Variants in RGS20 observed in about 807,000 individuals in gnomAD.
The protein encoded by RGS20 is regulator of G protein signaling 20.
RGS20 carries 30 observed loss-of-function variants against 33.6 expected under a neutral mutation model. The observed-to-expected ratio is 0.89, with a 90% CI of 0.67 to 1.21. RGS20 has a LOEUF of 1.21. RGS20 is among the 50% of genes most tolerant of loss of function. The pLI, the probability that RGS20 is intolerant of heterozygous loss-of-function variation, is 0.00. For missense variants in RGS20, 472 were observed against 502.4 expected, an observed-to-expected ratio of 0.94 and a Z score of 0.58; for synonymous variants, 208 against 197.9, an observed-to-expected ratio of 1.05 and a Z score of -0.43.
At chr8:53,934,404 T>G (rs1196830738) in intron 2 of RGS20, among the ~76,000 whole-genome samples, 1 of 152,012 alleles carries the variant, frequency 6.6e-6, no homozygotes, top group Non-Finnish European at 1.5e-5. Context: ...AATAAAGGCA[T>G]GGAGGAATAT....
chr8:53,919,395 G>T (rs1214739210), intron 2 of RGS20, among the ~76,000 whole-genome samples: 2 of 149,636 alleles, frequency 1.3e-5, no homozygotes, highest in Non-Finnish European at 1.5e-5. Context: ...CGTCTGGAGT[G>T]CAATGGCACA....
chr8:53,954,765 G>GC (rs1474525944), intron 5 of RGS20, among the ~76,000 whole-genome samples: 12 of 144,038 alleles, frequency 8.3e-5, no homozygotes, highest in African/African-American at 3.1e-4. Flanking sequence ...TTGGCTCACT[G>GC]CAACTTCTGC....
chr8:53,905,007 G>A (rs1465677918), intron 2 of RGS20, among the ~76,000 whole-genome samples: 1 of 152,064 alleles, frequency 6.6e-6, no homozygotes, highest in Admixed American at 6.6e-5. Context: ...AAACCTCCTG[G>A]GGCTTACACA....
At position 53,902,081 on chromosome 8, in the gene RGS20, G is replaced by A. The variant is rs190790060; in HGVS notation, c.510+22479G>A. Among the ~76,000 whole-genome samples, 21 of 151,842 alleles carry A rather than the reference G, an allele frequency of 1.4e-4. No homozygotes were observed. In the East Asian group the frequency reaches 3.5e-3, roughly 25 times the overall value. ...CACCCAGGCTGAAGTACAGTGATGCGACCTGGACTCACCACAACCTCTGCC... is the reference window on the plus strand; with the variant it reads ...CACCCAGGCTGAAGTACAGTGATGCAACCTGGACTCACCACAACCTCTGCC... On this transcript the variant is annotated intron_variant, in intron 2 of 5. Coordinates refer to ENST00000297313, the MANE Select transcript of RGS20 (RefSeq NM_170587.4).
intron 5 of RGS20, among the ~76,000 whole-genome samples, chr8:53,955,892 T>C (rs761859913): frequency 2.6e-5 from 4 of 152,162 alleles, no homozygotes; most frequent in Admixed American, 1.3e-4. Flanking sequence ...ATTGGGTGCC[T>C]TGTAGCTCTA....
intron 2 of RGS20, among the ~76,000 whole-genome samples, chr8:53,905,510 G>T (rs1019881028): frequency 6.6e-6 from 1 of 152,158 alleles, no homozygotes; most frequent in Non-Finnish European, 1.5e-5. Context: ...AGGATAATGG[G>T]CCAGCGTCCT....
In RGS20 at chr8:53,946,756, C is replaced by A. The variant is rs1427471696; in HGVS notation, c.743+8C>A. The A allele has an allele frequency of 1.2e-6, 2 of 1,611,020 alleles. No individual in the cohort carries two copies. Among genetic ancestry groups the A allele is most frequent in the Non-Finnish European group, 1.7e-6 (2 of 1,178,192 alleles). ...TCCAACCTGGGAAGAAAGGTGAAATCACACGTTTTTTTTACCTCACTAAAC... is the reference window on the plus strand; with the variant it reads ...TCCAACCTGGGAAGAAAGGTGAAATAACACGTTTTTTTTACCTCACTAAAC... On this transcript the variant is annotated splice_region_variant and intron_variant, in intron 4 of 5. Transcript: ENST00000297313.
At chr8:53,876,435 CAG>C (rs1191617778) in intron 1 of RGS20, 1 of 152,166 alleles carries the variant, frequency 6.6e-6, no homozygotes, top group Non-Finnish European at 1.5e-5. Context: ...CCCTAAGGAC[CAG>C]TGCTTCCAGG....
chr8:53,859,217 A>C lies in RGS20; in HGVS notation c.165+7153A>C, dbSNP rs7831399. ...AATAACAAACGAACAAACTTTTCATATTCTATTTATACACCACAATGGAAG... is the reference window on the plus strand; with the variant it reads ...AATAACAAACGAACAAACTTTTCATCTTCTATTTATACACCACAATGGAAG... On this transcript the variant is annotated intron_variant, in intron 1 of 5. Transcript: ENST00000297313. Among the ~76,000 whole-genome samples, 257 of 152,234 alleles carry C rather than the reference A, an allele frequency of 1.7e-3. 1 individual carries two copies. Among genetic ancestry groups the C allele is most frequent in the South Asian group, 8.3e-3 (40 of 4,822 alleles).
intron 1 of RGS20, among the ~76,000 whole-genome samples, chr8:53,857,931 T>C (rs1394634663): frequency 1.3e-5 from 2 of 152,200 alleles, no homozygotes; most frequent in Non-Finnish European, 2.9e-5. Context: ...ATGGATATGT[T>C]AGCTTTATTT....
chr8:53,938,060 T>G (rs1391002041), intron 2 of RGS20, among the ~76,000 whole-genome samples: 1 of 152,188 alleles, frequency 6.6e-6, no homozygotes, highest in Non-Finnish European at 1.5e-5. Context: ...TTAGAAATCA[T>G]TCTACTATAA....
Position 53,873,625 on chromosome 8 carries a change from C to A in RGS20, c.166-5633C>A, listed in dbSNP as rs556999872. ...GTTTGTTTTTAATTCATCTATCCAA[C>A]AAATATTAATTGAGTAGTTTATCCA... On this transcript the variant is annotated intron_variant, in intron 1 of 5. Transcript: ENST00000297313. Among the ~76,000 whole-genome samples, 493 of 152,250 alleles carry A rather than the reference C, an allele frequency of 3.2e-3. 5 individuals carry two copies. The highest frequency in any genetic ancestry group is 0.011 in the African/African-American group (475 of 41,534).
At position 53,954,144 on chromosome 8, in the gene RGS20, C is replaced by A; in HGVS notation, c.812C>A (p.Ala271Glu). 5 of 1,614,056 alleles carry A rather than the reference C, an allele frequency of 3.1e-6. No individual in the cohort carries two copies. The highest frequency in any genetic ancestry group is 1.3e-5 in the African/African-American group (1 of 75,024). The change falls in exon 5 of 6, where the codon GCA becomes GAA. Residue 271 changes from alanine to glutamate, a missense_variant. Ala to Glu is a moderately radical substitution (Grantham distance 107). Transcript: ENST00000297313. ...TTTGACAAATTAATGGTCACTCCAG[C>A]AGGAAGGAATGCATTCCGTGAATTC...
chr8:53,916,664 T>G (rs1239671019), intron 2 of RGS20, among the ~76,000 whole-genome samples: 4 of 152,186 alleles, frequency 2.6e-5, no homozygotes, highest in Non-Finnish European at 4.4e-5. Flanking sequence ...TAGTAGTGGA[T>G]TTTTGTTTAT....
intron 2 of RGS20, among the ~76,000 whole-genome samples, chr8:53,933,428 G>C (rs763179592): frequency 2.6e-5 from 4 of 152,114 alleles, no homozygotes; most frequent in Non-Finnish European, 5.9e-5. Flanking sequence ...ACCTGATGTA[G>C]CTGAAAAACA....
chr8:53,948,151 ATATATATT>A (rs1313700220), intron 4 of RGS20, among the ~76,000 whole-genome samples: 10 of 133,976 alleles, frequency 7.5e-5, no homozygotes, highest in African/African-American at 2.5e-4. Context: ...ATGATATAGT[ATATATATT>A]TATATATGCT....
At chr8:53,935,601 A>C (rs1032982066) in intron 2 of RGS20, among the ~76,000 whole-genome samples, 1 of 152,190 alleles carries the variant, frequency 6.6e-6, no homozygotes, top group East Asian at 1.9e-4. Flanking sequence ...TCTAAAATTG[A>C]GGCAGTAATT....
chr8:53,906,424 C>A (rs1057134232), intron 2 of RGS20, among the ~76,000 whole-genome samples: 23 of 152,036 alleles, frequency 1.5e-4, no homozygotes, highest in African/African-American at 5.6e-4. Flanking sequence ...ACTTTGCTAT[C>A]GAGTGGCCCC....
intron 2 of RGS20, among the ~76,000 whole-genome samples, chr8:53,937,017 G>A (rs1814154693): frequency 6.6e-6 from 1 of 152,096 alleles, no homozygotes. Flanking sequence ...TTTAATAAAT[G>A]GTGTTGGGAA....
Sources: allele counts gnomAD v4.1 joint callset (sites outside exome capture counted in the v4.1 genomes callset), GRCh38; gene constraint gnomAD v4.1.1; transcripts MANE v1.5; gene names NCBI Gene and HGNC (gene_info 2026-07-23, HGNC 2026-07-21).